The following CFAP44 variants were observed in gnomAD, a reference collection of about 807,000 sequenced individuals.
The protein encoded by CFAP44 is cilia and flagella associated protein 44.
Under a neutral mutation model 216.2 loss-of-function variants are expected in CFAP44, and 134 were observed. That is an observed-to-expected ratio of 0.62 (90% CI 0.54 to 0.72). CFAP44 has a LOEUF of 0.72. Ranked by LOEUF, CFAP44 falls within the 30% of genes least tolerant of loss-of-function variation. The probability of loss-of-function intolerance (pLI) is 0.00; values close to 1 mark genes in which losing one functional copy is unlikely to be tolerated. For synonymous variants in CFAP44, 700 were observed against 727.6 expected (o/e 0.96, Z 0.61); for missense variants, 2,035 against 2,182.1 (o/e 0.93, Z 1.34).
intron 11 of CFAP44, among the ~76,000 whole-genome samples, chr3:113,400,859 G>C (rs150379366): frequency 6.6e-6 from 1 of 151,902 alleles, no homozygotes; most frequent in Non-Finnish European, 1.5e-5. Flanking sequence ...GTGATTTTGC[G>C]CAAGTCACCT....
chr3:113,409,108 G>A lies in CFAP44; in HGVS notation c.888C>T (p.Ile296=), dbSNP rs1934379343. The part of the protein sequence containing the change: ...EQLTTSGSGH[I]KFWEMAFTFT... ...CCTCTATTGGTTACCCAACCTACTT[G>A]ATGTGGCCTGATCCCGATGTAGTAA... The change falls in exon 7 of 35, where the codon ATC becomes ATT. Residue 296 remains isoleucine (I), a splice_region_variant and synonymous_variant. Coordinates refer to ENST00000393845, the MANE Select transcript of CFAP44 (RefSeq NM_001164496.2). 6.3e-7 allele frequency: 1 copy of A among 1,587,582 alleles called. No homozygotes were observed.
rs1949794894 is a variant in CFAP44 at position 113,288,322 on chromosome 3, CAG to C, written c.*3233_*3234del. Reference sequence around the variant, plus strand: ...ATCCTTTTTCCATCAAGCTCAACGTCAGAGAGAACTTCATGTGGAAGTGCAGC... The same window carrying C: ...ATCCTTTTTCCATCAAGCTCAACGTCAGAGAACTTCATGTGGAAGTGCAGC... On this transcript the variant is annotated 3_prime_UTR_variant, in exon 35 of 35. Transcript: ENST00000393845. The C allele has an allele frequency of 6.6e-6, 1 of 152,126 alleles. No individual in the cohort carries two copies. Among genetic ancestry groups the C allele is most frequent in the Non-Finnish European group, 1.5e-5 (1 of 68,026 alleles). The allele number at this position is 152,126 out of a possible 1,614,324, so 9.4% of individuals were successfully genotyped here. A position where few individuals can be genotyped will look rare whatever the true frequency, so the allele number is the denominator to read the frequency against.
intron 33 of CFAP44, 90 bp downstream of exon 33, chr3:113,296,635 C>T (rs1949883843): frequency 4.9e-6 from 7 of 1,440,478 alleles, no homozygotes; most frequent in Non-Finnish European, 4.6e-6. Context: ...TCCAGCTACA[C>T]AGATGCTTCA....
intron 25 of CFAP44, among the ~76,000 whole-genome samples, chr3:113,332,201 A>C (rs1179649305): frequency 6.6e-6 from 1 of 152,250 alleles, no homozygotes; most frequent in African/African-American, 2.4e-5. Flanking sequence ...ATTTCTCTAC[A>C]ATGATGTATG....
At chr3:113,439,724 G>A (rs923248142) in intron 1 of CFAP44, among the ~76,000 whole-genome samples, 4 of 152,206 alleles carry the variant, frequency 2.6e-5, no homozygotes, top group Admixed American at 2.0e-4. Context: ...ATGCAGAGGA[G>A]TGTGTTGCTA....
chr3:113,312,659 G>T (rs758206087), intron 28 of CFAP44, among the ~76,000 whole-genome samples: 2 of 152,140 alleles, frequency 1.3e-5, no homozygotes, highest in African/African-American at 2.4e-5. Flanking sequence ...GTTTCTTGGG[G>T]AGGGCCCAGG....
intron 22 of CFAP44, among the ~76,000 whole-genome samples, chr3:113,349,229 T>C (rs1451675653): frequency 6.6e-6 from 1 of 152,002 alleles, no homozygotes; most frequent in Non-Finnish European, 1.5e-5. Flanking sequence ...CTTAAGAAAA[T>C]ATACTCCCCT....
rs555914198 is a variant in CFAP44, at chr3:113,291,744, T to A, written c.5378A>T (p.Asn1793Ile). Residue 1793 changes from asparagine to isoleucine, a missense_variant, in exon 35 of 35, where the codon AAT becomes ATT. By Grantham distance (149) the Asn-to-Ile change is moderately radical. Around this residue, in one of 3 missense-constraint regions of CFAP44, gnomAD observed 1,883 missense variants for 2,023.7 expected, o/e 0.93. Transcript: ENST00000393845. Reference protein sequence around the residue: ...RLNTLQNQQGNAFQGPREADV... With the variant: ...RLNTLQNQQGIAFQGPREADV... Reference sequence around the variant, plus strand: ...TGCTTCCCGAGGGCCCTGGAAGGCATTGCCCTGTTGAAAGAAAACAGCTCC... The same window carrying A: ...TGCTTCCCGAGGGCCCTGGAAGGCAATGCCCTGTTGAAAGAAAACAGCTCC... 7 of 1,535,408 alleles carry A rather than the reference T, an allele frequency of 4.6e-6. No individual in the cohort carries two copies. In the East Asian group the frequency reaches 1.7e-4, roughly 38 times the overall value.
chr3:113,386,707 ACAC>A (rs1933661625), intron 15 of CFAP44, among the ~76,000 whole-genome samples: 1 of 152,150 alleles, frequency 6.6e-6, no homozygotes, highest in Admixed American at 6.5e-5. Context: ...ACAACTATCT[ACAC>A]ACACACAAAA....
intron 4 of CFAP44, among the ~76,000 whole-genome samples, chr3:113,425,571 T>A (rs2107402262): frequency 6.6e-6 from 1 of 152,342 alleles, no homozygotes; most frequent in Non-Finnish European, 1.5e-5. Flanking sequence ...GTGAAAGTAC[T>A]AATGCCTTAC....
intron 17 of CFAP44, among the ~76,000 whole-genome samples, chr3:113,377,778 G>A (rs374001041): frequency 1.6e-4 from 24 of 151,892 alleles, no homozygotes; most frequent in African/African-American, 4.3e-4. Flanking sequence ...TTGGCCTCCC[G>A]AGTAGCTGGG....
At chr3:113,400,502 C>T (rs755878114) in intron 12 of CFAP44, 43 bp downstream of exon 12, 14 of 1,471,902 alleles carry the variant, frequency 9.5e-6, no homozygotes, top group Non-Finnish European at 1.1e-5. Context: ...GCAAATAAAA[C>T]AAAACAAGGC....
At position 113,288,536 on chromosome 3, in the gene CFAP44, A is replaced by G. The variant is rs1209345920; in HGVS notation, c.*3021T>C. 5 of 152,212 alleles carry G rather than the reference A, an allele frequency of 3.3e-5. No homozygotes were observed. The highest frequency in any genetic ancestry group is 1.2e-4 in the African/African-American group (5 of 41,448). The allele number at this position is 152,212 out of a possible 1,614,324, so 9.4% of individuals were successfully genotyped here. A position where few individuals can be genotyped will look rare whatever the true frequency, so the allele number is the denominator to read the frequency against. On this transcript the variant is annotated 3_prime_UTR_variant, in exon 35 of 35. Coordinates refer to ENST00000393845, the MANE Select transcript of CFAP44 (RefSeq NM_001164496.2). ...TGGGGTGGGTAGGGCTGACGCTCTCAGTCATTGCTTTGCTATCCAGAGGCC... is the reference window on the plus strand; with the variant it reads ...TGGGGTGGGTAGGGCTGACGCTCTCGGTCATTGCTTTGCTATCCAGAGGCC...
intron 21 of CFAP44, among the ~76,000 whole-genome samples, chr3:113,362,492 C>A (rs187859440): frequency 5.3e-5 from 8 of 152,288 alleles, no homozygotes; most frequent in Non-Finnish European, 7.3e-5. Context: ...GTTACCCAAA[C>A]TGACAATCTT....
At chr3:113,406,355 G>T (rs935962588) in intron 8 of CFAP44, among the ~76,000 whole-genome samples, 2 of 152,194 alleles carry the variant, frequency 1.3e-5, no homozygotes, top group East Asian at 3.8e-4. Context: ...CTGCAACTCT[G>T]TGACATAACT....
intron 15 of CFAP44, among the ~76,000 whole-genome samples, chr3:113,383,992 C>T (rs981328485): frequency 1.3e-4 from 19 of 151,250 alleles, no homozygotes; most frequent in East Asian, 9.8e-4. Context: ...TGAGTGAGAA[C>T]ATGTGGTGTT....
intron 15 of CFAP44, among the ~76,000 whole-genome samples, chr3:113,383,785 T>C (rs1348188871): frequency 6.6e-6 from 1 of 152,178 alleles, no homozygotes; most frequent in Non-Finnish European, 1.5e-5. Flanking sequence ...AGTTCTAGGA[T>C]ACATGTGCAG....
intron 32 of CFAP44, among the ~76,000 whole-genome samples, chr3:113,303,660 G>GT: frequency 6.6e-6 from 1 of 152,202 alleles, no homozygotes; most frequent in South Asian, 2.1e-4. Context: ...GGTTATTATT[G>GT]TATTATTCTA....
At position 113,401,645 on chromosome 3, in the gene CFAP44, T is replaced by C. The variant is rs1934144403; in HGVS notation, c.1265A>G (p.Asn422Ser). 6.2e-7 allele frequency: 1 copy of C among 1,613,438 alleles called. No individual in the cohort carries two copies. The highest frequency in any genetic ancestry group is 8.5e-7 in the Non-Finnish European group (1 of 1,179,708). Residue 422 changes from asparagine (N) to serine (S), a missense_variant, in exon 10 of 35, where the codon AAT becomes AGT. This residue lies in a region of CFAP44 where 1,883 missense variants were observed against 2,023.7 expected (regional missense o/e 0.93). Transcript: ENST00000393845. ...TTTTATCATAGAGAAGAGATTCACATTCTTGTCTACTTGAAGTTCATTAAT... is the reference window on the plus strand; with the variant it reads ...TTTTATCATAGAGAAGAGATTCACACTCTTGTCTACTTGAAGTTCATTAAT... ...EPINELQVDKNVNLFSMIKMN... is the reference protein window; with the variant it reads ...EPINELQVDKSVNLFSMIKMN...
Sources: gnomAD v4.1 joint callset for allele counts (sites outside exome capture counted in the v4.1 genomes callset) on GRCh38, gnomAD v4.1.1 for gene constraint, gnomAD v4.1.1 regional missense constraint, MANE v1.5 for transcripts, NCBI Gene and HGNC (gene_info 2026-07-23, HGNC 2026-07-21) for gene names.